STX8: variants seen among roughly 807,000 people sequenced by gnomAD.
STX8 encodes syntaxin 8.
In STX8, 23 loss-of-function variants were observed where a neutral mutation model predicts 37.5. That is an observed-to-expected ratio of 0.61 (90% CI 0.44 to 0.87). The LOEUF is 0.87. Ranked by LOEUF, STX8 falls within the 40% of genes least tolerant of loss-of-function variation. The pLI is 0.00. For synonymous variants in STX8, 115 were observed against 99.1 expected (o/e 1.16, Z -0.95); for missense variants, 313 against 284.7 (o/e 1.10, Z -0.71).
intron 6 of STX8, among the ~76,000 whole-genome samples, chr17:9,380,254 GT>G (rs34806016): frequency 0.18 from 15,926 of 89,596 alleles, 584 homozygotes; most frequent in Non-Finnish European, 0.19. Flanking sequence ...ATTTCTGTGT[GT>G]TTTTTTTTTT....
chr17:9,379,769 G>A (rs1005528550), intron 6 of STX8, among the ~76,000 whole-genome samples: 6 of 152,070 alleles, frequency 3.9e-5, no homozygotes, highest in Non-Finnish European at 5.9e-5. Context: ...GGGAGTTCGA[G>A]ACCAGCCTGA....
chr17:9,388,076 T>A (rs1021662863), intron 6 of STX8, among the ~76,000 whole-genome samples: 6 of 151,524 alleles, frequency 4.0e-5, no homozygotes, highest in African/African-American at 1.5e-4. Context: ...CTCTATTTTT[T>A]TTTTTTTTTT....
intron 4 of STX8, among the ~76,000 whole-genome samples, chr17:9,544,576 A>G (rs1192967271): frequency 6.6e-6 from 1 of 152,144 alleles, no homozygotes; most frequent in Non-Finnish European, 1.5e-5. Context: ...GGCAGTTAAC[A>G]AAGCAGAAAA....
In STX8 at chr17:9,557,512, C is replaced by G. The variant is rs772225226; in HGVS notation, c.134G>C (p.Arg45Thr). Reference sequence around the variant, plus strand: ...TTCCTTCAGGTTCTGCAACAAAGCTCTGATTGTCACGGTAAGCTGAAAAGA... The same window carrying G: ...TTCCTTCAGGTTCTGCAACAAAGCTGTGATTGTCACGGTAAGCTGAAAAGA... ...EKAPKLTVTI[R>T]ALLQNLKEKI... The change falls in exon 3 of 8, where the codon AGA becomes ACA. Residue 45 changes from arginine (R) to threonine (T), a missense_variant. Transcript: ENST00000306357. The G allele has an allele frequency of 5.6e-6, 9 of 1,614,062 alleles. No homozygotes were observed. In the East Asian group the frequency reaches 2.0e-4, roughly 36 times the overall value.
At chr17:9,506,412 C>G (rs1430288620) in intron 4 of STX8, among the ~76,000 whole-genome samples, 1 of 85,584 alleles carries the variant, frequency 1.2e-5, no homozygotes. Context: ...CCCGCTCCCC[C>G]CCCCCCCCAC....
chr17:9,290,584 G>C (rs1442366555), intron 7 of STX8, among the ~76,000 whole-genome samples: 1 of 152,190 alleles, frequency 6.6e-6, no homozygotes, highest in Admixed American at 6.5e-5. Context: ...TTCCCAACGG[G>C]AGAAAAATCT....
chr17:9,371,519 G>A (rs569667788), intron 7 of STX8, among the ~76,000 whole-genome samples: 17 of 152,260 alleles, frequency 1.1e-4, no homozygotes, highest in African/African-American at 2.4e-4. Context: ...GCTGTATCTC[G>A]AAGCTCTTGC....
chr17:9,275,761 G>A (rs188817510), intron 7 of STX8, among the ~76,000 whole-genome samples: 1 of 151,880 alleles, frequency 6.6e-6, no homozygotes, highest in South Asian at 2.1e-4. Context: ...CCAGCTACTC[G>A]GGAGGCTGAG....
chr17:9,530,547 T>C (rs1183019353), intron 4 of STX8, among the ~76,000 whole-genome samples: 1 of 152,226 alleles, frequency 6.6e-6, no homozygotes, highest in East Asian at 1.9e-4. Flanking sequence ...CATTGTGACT[T>C]GACTTTGCAT....
intron 2 of STX8, among the ~76,000 whole-genome samples, chr17:9,563,614 T>C (rs1907340718): frequency 6.6e-6 from 1 of 151,144 alleles, no homozygotes; most frequent in African/African-American, 2.4e-5. Context: ...TTAATGAAAA[T>C]GGTTATTTAG....
chr17:9,277,575 C>G (rs575394147), intron 7 of STX8, among the ~76,000 whole-genome samples: 1 of 152,184 alleles, frequency 6.6e-6, no homozygotes, highest in South Asian at 2.1e-4. Flanking sequence ...AATTGACAGG[C>G]TAATGGGGGA....
At chr17:9,485,304 C>G (rs2142462867) in intron 6 of STX8, among the ~76,000 whole-genome samples, 1 of 152,186 alleles carries the variant, frequency 6.6e-6, no homozygotes, top group Middle Eastern at 3.4e-3. Flanking sequence ...GCACAGCTGA[C>G]AGGACAGGAC....
intron 6 of STX8, among the ~76,000 whole-genome samples, chr17:9,444,066 A>G (rs1904754143): frequency 2.6e-5 from 4 of 152,122 alleles, no homozygotes; most frequent in Non-Finnish European, 4.4e-5. Context: ...GTTTGACACA[A>G]AGACCTCCCT....
At chr17:9,512,379 A>G (rs1184346460) in intron 4 of STX8, among the ~76,000 whole-genome samples, 1 of 152,222 alleles carries the variant, frequency 6.6e-6, no homozygotes. Context: ...TGCTGTTTTT[A>G]TGATACTGAC....
chr17:9,437,665 A>G (rs1018962796), intron 6 of STX8: 4 of 152,172 alleles, frequency 2.6e-5, no homozygotes, highest in Non-Finnish European at 4.4e-5. Flanking sequence ...CATTTAAGAG[A>G]TTAGTTCAAT....
Position 9,441,761 on chromosome 17 carries a change from C to T in STX8, c.541+50068G>A, listed in dbSNP as rs993532649. On this transcript the variant is annotated intron_variant, in intron 6 of 7. Coordinates refer to ENST00000306357, the MANE Select transcript of STX8 (RefSeq NM_004853.3). Reference sequence around the variant, plus strand: ...CGCGATCTCAGCTCACGGCAAGCTCCGCCTCCCGGGTTCACACCATTCTCC... The same window carrying T: ...CGCGATCTCAGCTCACGGCAAGCTCTGCCTCCCGGGTTCACACCATTCTCC... 1.0e-4 allele frequency among the ~76,000 whole-genome samples: 15 copies of T among 150,082 alleles called. No homozygotes were observed. In the South Asian group the frequency reaches 1.1e-3, roughly 11 times the overall value.
At chr17:9,355,831 T>A (rs566514131) in intron 7 of STX8, among the ~76,000 whole-genome samples, 9 of 152,208 alleles carry the variant, frequency 5.9e-5, no homozygotes, top group African/African-American at 2.2e-4. Flanking sequence ...TTAAAAACTT[T>A]TGTAGAGACA....
chr17:9,552,500 AC>A (rs1182156418), intron 3 of STX8, among the ~76,000 whole-genome samples: 1 of 152,192 alleles, frequency 6.6e-6, no homozygotes, highest in Non-Finnish European at 1.5e-5. Context: ...ACCAGGGGTT[AC>A]CTGTAAAATC....
intron 5 of STX8, among the ~76,000 whole-genome samples, chr17:9,492,459 A>C (rs1156525884): frequency 2.0e-5 from 3 of 152,196 alleles, no homozygotes; most frequent in Non-Finnish European, 4.4e-5. Flanking sequence ...AGTTTTACTG[A>C]CGGCCGTATT....
Sources: allele counts gnomAD v4.1 joint callset (sites outside exome capture counted in the v4.1 genomes callset), GRCh38; gene constraint gnomAD v4.1.1; transcripts MANE v1.5; gene names NCBI Gene and HGNC (gene_info 2026-07-23, HGNC 2026-07-21).